LNX1: variants seen among roughly 807,000 people sequenced by gnomAD.
LNX1 encodes ligand of numb-protein X 1.
LNX1 carries 54 observed loss-of-function variants against 68.4 expected under a neutral mutation model. The observed-to-expected ratio is 0.79, with a 90% CI of 0.63 to 0.99. LNX1 has a LOEUF of 0.99. Ranked by LOEUF, LNX1 falls within the 50% of genes least tolerant of loss-of-function variation. LNX1 has a pLI of 0.00. For missense variants in LNX1, 906 were observed against 926.4 expected (o/e 0.98, Z 0.29); for synonymous variants, 336 against 350.0 (o/e 0.96, Z 0.45).
intron 2 of LNX1, among the ~76,000 whole-genome samples, chr4:53,556,650 T>C (rs1008135278): frequency 3.3e-5 from 5 of 152,254 alleles, no homozygotes; most frequent in African/African-American, 1.2e-4. Flanking sequence ...GATTCAGATT[T>C]AAGCTAGACA....
intron 1 of LNX1, among the ~76,000 whole-genome samples, chr4:53,583,791 A>C (rs1450786044): frequency 6.6e-6 from 1 of 152,108 alleles, no homozygotes; most frequent in Non-Finnish European, 1.5e-5. Context: ...GTTAGAGAAG[A>C]GTGTTCCTTC....
chr4:53,545,676 C>T (rs780523932), intron 2 of LNX1, among the ~76,000 whole-genome samples: 1 of 152,134 alleles, frequency 6.6e-6, no homozygotes, highest in Non-Finnish European at 1.5e-5. Context: ...TTCTTACCCC[C>T]ATGAGGTAGG....
chr4:53,538,204 G>A (rs1193693281), intron 2 of LNX1, among the ~76,000 whole-genome samples: 21 of 152,160 alleles, frequency 1.4e-4, no homozygotes, highest in Non-Finnish European at 2.5e-4. Flanking sequence ...ATGGGCATGT[G>A]GATTGCTCCT....
chr4:53,618,382 A>G (rs1733754867), upstream of LNX1, among the ~76,000 whole-genome samples: 1 of 151,782 alleles, frequency 6.6e-6, no homozygotes, highest in Admixed American at 6.5e-5. Context: ...CACAAAAAGT[A>G]CTTTCTAAAA....
At chr4:53,522,151 C>T (rs145599611) in intron 2 of LNX1, among the ~76,000 whole-genome samples, 1 of 152,252 alleles carries the variant, frequency 6.6e-6, no homozygotes, top group East Asian at 1.9e-4. Flanking sequence ...AGGCTTCTTG[C>T]AGTCAGACAC....
At chr4:53,647,990 A>G (rs1018379695) in intron 1 of LNX1, among the ~76,000 whole-genome samples, 8 of 152,232 alleles carry the variant, frequency 5.3e-5, no homozygotes, top group African/African-American at 1.7e-4. Flanking sequence ...TGTATACTAC[A>G]TTTTGTTATC....
chr4:53,471,654 A>T (rs1360486727), intron 9 of LNX1, among the ~76,000 whole-genome samples: 1 of 152,122 alleles, frequency 6.6e-6, no homozygotes, highest in Non-Finnish European at 1.5e-5. Flanking sequence ...AGAAAAAAAA[A>T]CCCCATCAAA....
At chr4:53,604,293 C>A (rs751436120) in intron 2 of LNX1, among the ~76,000 whole-genome samples, 2 of 152,120 alleles carry the variant, frequency 1.3e-5, no homozygotes, top group African/African-American at 2.4e-5. Flanking sequence ...TCTCCTTAAG[C>A]TGGATAGAGA....
chr4:53,646,460 T>G (rs1382756449), intron 1 of LNX1, among the ~76,000 whole-genome samples: 1 of 152,242 alleles, frequency 6.6e-6, no homozygotes, highest in East Asian at 1.9e-4. Flanking sequence ...ATCTTACTTA[T>G]CTGTCTACTT....
At chr4:53,587,702 T>C (rs889056677) in intron 1 of LNX1, among the ~76,000 whole-genome samples, 26 of 152,254 alleles carry the variant, frequency 1.7e-4, no homozygotes, top group Admixed American at 7.8e-4. Context: ...CCCTATTTTC[T>C]CCACTTTAAG....
chr4:53,588,785 A>T (rs1732328249), intron 1 of LNX1, among the ~76,000 whole-genome samples: 1 of 152,182 alleles, frequency 6.6e-6, no homozygotes, highest in South Asian at 2.1e-4. Context: ...CACTGACCTC[A>T]ATCCACTAAT....
chr4:53,507,995 G>A lies in LNX1; in HGVS notation c.613C>T (p.Arg205Ter). The change falls in exon 3 of 11, where the codon CGA becomes TGA. Residue 205 changes from arginine to a stop codon, truncating the protein, a stop_gained. Transcript: ENST00000263925. LOFTEE classifies it high-confidence loss of function. Reference protein sequence around the residue: ...ISPVDSGRSNRTRARPFERST... With the variant: ...ISPVDSGRSN ...CACCCATTTGACTCACCCCTAGTTC[G>A]GTTGCTCCGGCCAGAGTCCACTGGG... 6.2e-7 allele frequency: 1 copy of A among 1,613,460 alleles called. No individual in the cohort carries two copies. The highest frequency in any genetic ancestry group is 8.5e-7 in the Non-Finnish European group (1 of 1,179,468).
intron 2 of LNX1, among the ~76,000 whole-genome samples, chr4:53,601,968 T>C (rs149239049): frequency 1.3e-5 from 2 of 152,210 alleles, no homozygotes; most frequent in African/African-American, 4.8e-5. Flanking sequence ...TCCTCACCCC[T>C]GCTCACGTGA....
At chr4:53,492,033 C>T (rs1474342580) in intron 6 of LNX1, among the ~76,000 whole-genome samples, 5 of 152,102 alleles carry the variant, frequency 3.3e-5, no homozygotes, top group African/African-American at 4.8e-5. Context: ...GTGACCCACC[C>T]GCCTCGGCCT....
intron 2 of LNX1, chr4:53,549,211 C>T (rs940908132): frequency 2.0e-5 from 3 of 152,130 alleles, no homozygotes; most frequent in African/African-American, 4.8e-5. Context: ...TTCTGGGCAA[C>T]AAGGTCATAA....
chr4:53,595,360 G>A (rs1299545810), upstream of LNX1, among the ~76,000 whole-genome samples: 11 of 152,182 alleles, frequency 7.2e-5, no homozygotes. Flanking sequence ...GGAACCTCAA[G>A]GGCTAACTGC....
At chr4:53,576,033 C>T (rs1731467129) in intron 1 of LNX1, 7 of 1,569,594 alleles carry the variant, frequency 4.5e-6, no homozygotes, top group African/African-American at 1.4e-5. Flanking sequence ...TGAAGCCCAA[C>T]ACCTTCAGGG....
At chr4:53,616,036 T>C (rs1012450882) in intron 2 of LNX1, among the ~76,000 whole-genome samples, 32 of 152,154 alleles carry the variant, frequency 2.1e-4, no homozygotes, top group Non-Finnish European at 1.3e-4. Context: ...TTGCCCTCCC[T>C]GCTCCTCACC....
At chr4:53,567,193 T>A (rs1730758032) in intron 2 of LNX1, among the ~76,000 whole-genome samples, 1 of 140,026 alleles carries the variant, frequency 7.1e-6, no homozygotes, top group Non-Finnish European at 1.6e-5. Context: ...AGAATATACA[T>A]TTTTTTCAGC....
Sources: allele counts gnomAD v4.1 joint callset (sites outside exome capture counted in the v4.1 genomes callset), GRCh38; gene constraint gnomAD v4.1.1; transcripts MANE v1.5; gene names NCBI Gene and HGNC (gene_info 2026-07-23, HGNC 2026-07-21).